Variants in LRBA observed in about 807,000 individuals in gnomAD.
LRBA encodes LPS responsive beige-like anchor protein, also known as lipopolysaccharide-responsive and beige-like anchor protein.
In LRBA, 176 loss-of-function variants were observed where a neutral mutation model predicts 330.0. The ratio of observed to expected loss-of-function variants is 0.53; its 90% confidence interval spans 0.47 to 0.60. The LOEUF is 0.60. Ranked by LOEUF, LRBA falls within the 20% of genes least tolerant of loss-of-function variation. The pLI is 0.00. For missense variants in LRBA, 3,259 were observed against 3,444.8 expected (o/e 0.95, Z 1.35); for synonymous variants, 1,230 against 1,193.0 (o/e 1.03, Z -0.64).
chr4:150,643,118 C>T lies in LRBA; in HGVS notation c.5921+40433G>A, dbSNP rs971302563. Among the ~76,000 whole-genome samples, 6 of 151,770 alleles carry T rather than the reference C, an allele frequency of 4.0e-5. No homozygotes were observed. The South Asian group carries it at 6.2e-4, about 16-fold the overall frequency. ...TAAAGATTTCAAATAACAACTTCAA[C>T]GCACAAGTAGTCCAATTCCAGGCTG... On this transcript the variant is annotated intron_variant, in intron 37 of 56. Transcript: ENST00000651943.
chr4:150,536,281 T>C (rs945153861), intron 40 of LRBA, among the ~76,000 whole-genome samples: 1 of 152,192 alleles, frequency 6.6e-6, no homozygotes, highest in Admixed American at 6.5e-5. Flanking sequence ...AAATATTGAT[T>C]AGGTATGAGA....
At chr4:150,372,751 C>A in intron 47 of LRBA, among the ~76,000 whole-genome samples, 1 of 149,022 alleles carries the variant, frequency 6.7e-6, no homozygotes, top group Non-Finnish European at 1.5e-5. Context: ...GCCTGGTACG[C>A]AGTAAGTTCT....
At chr4:150,415,682 G>T in intron 46 of LRBA, 92 bp from the exon 47 acceptor site, 1 of 752,426 alleles carries the variant, frequency 1.3e-6, no homozygotes, top group Non-Finnish European at 2.1e-6. Context: ...CTATTGTTCA[G>T]AAGAACAAAA....
intron 37 of LRBA, among the ~76,000 whole-genome samples, chr4:150,658,958 A>G (rs1780647663): frequency 2.7e-5 from 2 of 74,636 alleles, no homozygotes; most frequent in African/African-American, 3.5e-5. Flanking sequence ...ACCGCGAGTG[A>G]TCCGCCAACC....
chr4:150,828,269 T>C lies in LRBA; in HGVS notation c.5082A>G (p.Thr1694=), dbSNP rs752201446. The C allele has an allele frequency of 5.0e-6, 8 of 1,614,162 alleles. No homozygotes were observed. Among genetic ancestry groups the C allele is most frequent in the African/African-American group, 1.3e-5 (1 of 75,062 alleles). ...CTGGTGGCAGAAGGGCAGGATCCAC[T>C]GTGACTCCATCTGCTGGTATGTTAA... ...SLVNIPADGV[T]VDPALLPPAC... The change falls in exon 30 of 57, where the codon ACA becomes ACG. Residue 1694 remains threonine (T), a synonymous_variant. Transcript: ENST00000651943.
At chr4:150,789,635 A>G (rs1303640325) in intron 34 of LRBA, among the ~76,000 whole-genome samples, 7 of 152,188 alleles carry the variant, frequency 4.6e-5, no homozygotes, top group Non-Finnish European at 1.0e-4. Context: ...TAAATTATAT[A>G]CTATTCATCA....
chr4:150,599,155 A>G (rs916301958), intron 37 of LRBA, 24 bp from the exon 38 acceptor site: 24 of 1,612,688 alleles, frequency 1.5e-5, no homozygotes, highest in Non-Finnish European at 2.0e-5. Context: ...GAGAAGCCAC[A>G]TATGTTAGCA....
chr4:150,467,537 C>G, intron 44 of LRBA, 136 bp downstream of exon 44: 1 of 532,718 alleles, frequency 1.9e-6, no homozygotes, highest in Non-Finnish European at 3.3e-6. Context: ...ATTTGAAAAT[C>G]TGTTTAAGAG....
chr4:150,781,390 G>T (rs1293726758), intron 34 of LRBA, among the ~76,000 whole-genome samples: 1 of 152,196 alleles, frequency 6.6e-6, no homozygotes, highest in Admixed American at 6.5e-5. Context: ...TCACAACAGG[G>T]TTCATGCTCT....
chr4:150,285,165 G>A (rs1012915418), intron 54 of LRBA, among the ~76,000 whole-genome samples: 1 of 152,180 alleles, frequency 6.6e-6, no homozygotes, highest in Non-Finnish European at 1.5e-5. Context: ...ACACAGAGGA[G>A]CTGATCCAAA....
At chr4:150,450,743 A>G (rs970231467) in intron 44 of LRBA, among the ~76,000 whole-genome samples, 3 of 152,296 alleles carry the variant, frequency 2.0e-5, no homozygotes, top group Admixed American at 1.3e-4. Context: ...ATAAAAACTA[A>G]CAGAACTTTG....
At chr4:150,269,482 A>G (rs546691090) in intron 56 of LRBA, among the ~76,000 whole-genome samples, 8 of 152,332 alleles carry the variant, frequency 5.3e-5, no homozygotes, top group African/African-American at 1.9e-4. Flanking sequence ...AAAAAACTAA[A>G]AACAGATCAA....
chr4:150,768,262 C>A (rs1279902601), intron 34 of LRBA, among the ~76,000 whole-genome samples: 1 of 151,732 alleles, frequency 6.6e-6, no homozygotes, highest in Non-Finnish European at 1.5e-5. Flanking sequence ...AAACTCTACA[C>A]AACAAAGTAG....
chr4:150,961,009 G>T lies in LRBA; in HGVS notation c.217-31944C>A, dbSNP rs145791528. Among the ~76,000 whole-genome samples the T allele has an allele frequency of 2.6e-4, 39 of 149,164 alleles. 7 individuals carry two copies. The highest frequency in any genetic ancestry group is 9.8e-4 in the African/African-American group (38 of 38,594). ...CTCAAGCTGCCTCAGGGAACATGGC[G>T]CCACCTCTCTGCTGAGTTATGTATA... On this transcript the variant is annotated intron_variant, in intron 2 of 56. Transcript: ENST00000651943.
chr4:150,810,276 T>C (rs1221936413), intron 31 of LRBA, among the ~76,000 whole-genome samples: 1 of 152,202 alleles, frequency 6.6e-6, no homozygotes, highest in Non-Finnish European at 1.5e-5. Flanking sequence ...AAGCAGGCAA[T>C]GCAGCAATCT....
intron 47 of LRBA, among the ~76,000 whole-genome samples, chr4:150,391,311 A>C (rs1488011220): frequency 1.3e-5 from 2 of 152,168 alleles, no homozygotes; most frequent in African/African-American, 2.4e-5. Flanking sequence ...ACCAGTTCAG[A>C]CTTTTACTTC....
chr4:150,527,592 T>C (rs1324127533), intron 40 of LRBA, among the ~76,000 whole-genome samples: 1 of 152,240 alleles, frequency 6.6e-6, no homozygotes, highest in Non-Finnish European at 1.5e-5. Flanking sequence ...GGGCTATGTA[T>C]ATTAGGCAAA....
At chr4:150,773,882 G>C (rs1736911759) in intron 34 of LRBA, among the ~76,000 whole-genome samples, 2 of 152,174 alleles carry the variant, frequency 1.3e-5, no homozygotes, top group Non-Finnish European at 2.9e-5. Context: ...AAGCTTCCCT[G>C]ATATTTTAGG....
At chr4:150,820,994 CAA>C (rs1560866512) in intron 30 of LRBA, among the ~76,000 whole-genome samples, 1 of 152,002 alleles carries the variant, frequency 6.6e-6, no homozygotes, top group Non-Finnish European at 1.5e-5. Context: ...GAGGAAAATG[CAA>C]TATGCATTTG....
Sources: allele counts gnomAD v4.1 joint callset (sites outside exome capture counted in the v4.1 genomes callset), GRCh38; gene constraint gnomAD v4.1.1; transcripts MANE v1.5; gene names NCBI Gene and HGNC (gene_info 2026-07-23, HGNC 2026-07-21).